The following IGF2BP2 variants were observed in gnomAD, a reference collection of about 807,000 sequenced individuals.
IGF2BP2 encodes the protein insulin-like growth factor 2 mRNA-binding protein 2.
IGF2BP2 carries 17 observed loss-of-function variants against 75.8 expected under a neutral mutation model. The observed-to-expected ratio is 0.22, with a 90% CI of 0.15 to 0.34. The LOEUF is 0.34. Among genes scored for constraint, IGF2BP2 ranks in the 10% least tolerant of loss-of-function variants. IGF2BP2 has a pLI of 1.00. For missense variants in IGF2BP2, 516 were observed against 772.4 expected (o/e 0.67, Z 3.93); for synonymous variants, 288 against 295.6 (o/e 0.97, Z 0.26).
chr3:185,804,091 T>C (rs1053853412), intron 2 of IGF2BP2, among the ~76,000 whole-genome samples: 3 of 152,062 alleles, frequency 2.0e-5, no homozygotes, highest in African/African-American at 7.2e-5. Flanking sequence ...ACCCCGTGTC[T>C]ACTAAAAATA....
Position 185,695,666 on chromosome 3 carries a change from A to ATTC in IGF2BP2, c.340+945_340+946insGAA, listed in dbSNP as rs1458142754. Among the ~76,000 whole-genome samples the ATTC allele has an allele frequency of 2.7e-3, 405 of 152,368 alleles. 4 individuals carry two copies. The highest frequency in any genetic ancestry group is 4.2e-3 in the East Asian group (22 of 5,192). ...CCACTGTTTTCCTTTTAAAAATCAT[A>ATTC]GTATTTCATGCTTTAGAAGATAAAA... On this transcript the variant is annotated intron_variant, in intron 4 of 15. Transcript: ENST00000382199.
chr3:185,778,297 G>C (rs1024230041), intron 2 of IGF2BP2, among the ~76,000 whole-genome samples: 2 of 152,082 alleles, frequency 1.3e-5, no homozygotes, highest in African/African-American at 4.8e-5. Context: ...GGACAACTTA[G>C]ACACGCCAAT....
chr3:185,647,257 TCTC>T lies in IGF2BP2; in HGVS notation c.1594-122_1594-120del, dbSNP rs2149031072. ...GGGAAGGAGGGGGGCTGGACTCTGC[TCTC>T]CTTTCCTTTTATCAAGGACACCCCG... On this transcript the variant is annotated intron_variant, in intron 14 of 15. Coordinates refer to ENST00000382199, the MANE Select transcript of IGF2BP2 (RefSeq NM_006548.6). The surrounding 1 kb of genome is among the most constrained non-coding windows in gnomAD (Gnocchi z 4.9). 4.0e-6 allele frequency: 3 copies of T among 742,310 alleles called. No homozygotes were observed. In the African/African-American group the frequency reaches 5.2e-5, roughly 13 times the overall value. 46.0% of individuals were successfully genotyped at this position (742,310 alleles called of 1,614,324 possible). A position where few individuals can be genotyped will look rare whatever the true frequency, so the allele number is the denominator to read the frequency against.
At chr3:185,656,049 C>T (rs1715384104) in intron 12 of IGF2BP2, among the ~76,000 whole-genome samples, 1 of 152,242 alleles carries the variant, frequency 6.6e-6, no homozygotes, top group African/African-American at 2.4e-5. Context: ...CTGAACAAGA[C>T]GGGGATTGGA....
chr3:185,717,902 G>C (rs1725884470), intron 2 of IGF2BP2: 1 of 152,164 alleles, frequency 6.6e-6, no homozygotes, highest in Non-Finnish European at 1.5e-5. Context: ...GGAAGGAAGT[G>C]AGAATGAACA....
At chr3:185,743,113 C>T (rs1376737657) in intron 2 of IGF2BP2, among the ~76,000 whole-genome samples, 1 of 151,720 alleles carries the variant, frequency 6.6e-6, no homozygotes, top group Non-Finnish European at 1.5e-5. Context: ...AATAAACAAA[C>T]AAACAAACTG....
intron 5 of IGF2BP2, 97 bp downstream of exon 5, chr3:185,692,602 T>A: frequency 9.0e-7 from 1 of 1,107,790 alleles, no homozygotes. Flanking sequence ...CTCAAAGATC[T>A]GCATCTTTTT....
At chr3:185,716,557 T>G (rs577439482) in intron 2 of IGF2BP2, 1 of 520,168 alleles carries the variant, frequency 1.9e-6, no homozygotes, top group South Asian at 1.4e-5. Context: ...CCAAGACTGC[T>G]GGGCTGGCCA....
chr3:185,664,050 G>A (rs935608058), intron 10 of IGF2BP2, among the ~76,000 whole-genome samples: 2 of 152,194 alleles, frequency 1.3e-5, no homozygotes, highest in Non-Finnish European at 2.9e-5. Context: ...TTGGCCGGAG[G>A]GTTCAGTGTT....
In IGF2BP2 at chr3:185,689,313, G is replaced by C. The variant is rs540533279; in HGVS notation, c.677+42C>G. 2.1e-5 allele frequency: 34 copies of C among 1,593,850 alleles called. No individual in the cohort carries two copies. In the South Asian group the frequency reaches 3.1e-4, roughly 15 times the overall value. On this transcript the variant is annotated intron_variant, in intron 6 of 15. Transcript: ENST00000382199. The stretch of plus-strand genomic sequence containing the variant: ...GGCTGAGACCCACCAGCACGCAGGG[G>C]ACCCCTCAGAAGGAAGCAAAGGAAG...
At chr3:185,669,696 C>CTT (rs1482930806) in intron 10 of IGF2BP2, among the ~76,000 whole-genome samples, 2 of 151,980 alleles carry the variant, frequency 1.3e-5, no homozygotes, top group African/African-American at 4.8e-5. Context: ...CCTTTGGATG[C>CTT]TAAAAGCAAA....
chr3:185,702,096 G>A (rs1201936026), intron 2 of IGF2BP2, among the ~76,000 whole-genome samples: 3 of 152,010 alleles, frequency 2.0e-5, no homozygotes, highest in South Asian at 2.1e-4. Context: ...CTCACTCTTC[G>A]CCATAATTAC....
At chr3:185,659,532 G>A (rs1414268423) in intron 10 of IGF2BP2, among the ~76,000 whole-genome samples, 3 of 151,508 alleles carry the variant, frequency 2.0e-5, no homozygotes, top group Admixed American at 6.6e-5. Flanking sequence ...CCCCCACCAC[G>A]CCTGGTTAAT....
chr3:185,773,286 T>C (rs1001118578), intron 2 of IGF2BP2, among the ~76,000 whole-genome samples: 1 of 152,234 alleles, frequency 6.6e-6, no homozygotes, highest in Non-Finnish European at 1.5e-5. Flanking sequence ...TTGTCTATAT[T>C]GTTAAGGAGG....
intron 2 of IGF2BP2, among the ~76,000 whole-genome samples, chr3:185,760,199 G>A (rs546846337): frequency 2.6e-5 from 4 of 152,224 alleles, no homozygotes; most frequent in South Asian, 4.2e-4. Flanking sequence ...AAGAAACTTA[G>A]GGACTGCACA....
intron 2 of IGF2BP2, among the ~76,000 whole-genome samples, chr3:185,794,929 A>T (rs1442615956): frequency 6.7e-6 from 1 of 150,272 alleles, no homozygotes; most frequent in Non-Finnish European, 1.5e-5. Context: ...GCGGAGTCTC[A>T]CTCTGTCGCC....
At chr3:185,719,802 C>A (rs1726223820) in intron 2 of IGF2BP2, among the ~76,000 whole-genome samples, 1 of 151,918 alleles carries the variant, frequency 6.6e-6, no homozygotes, top group Admixed American at 6.5e-5. Flanking sequence ...CCACTGCACT[C>A]CAGCCTGGGT....
At chr3:185,800,773 A>G (rs953790097) in intron 2 of IGF2BP2, among the ~76,000 whole-genome samples, 4 of 148,098 alleles carry the variant, frequency 2.7e-5, no homozygotes, top group African/African-American at 1.0e-4. Context: ...GTAAATGATA[A>G]AAGAAATCTG....
chr3:185,667,520 C>T (rs1232571550), intron 10 of IGF2BP2, among the ~76,000 whole-genome samples: 1 of 152,150 alleles, frequency 6.6e-6, no homozygotes, highest in African/African-American at 2.4e-5. Context: ...TTTTATTTTA[C>T]AGTCTTGGAT....
Sources: gnomAD v4.1 joint callset for allele counts (sites outside exome capture counted in the v4.1 genomes callset) on GRCh38, gnomAD v4.1.1 for gene constraint, Gnocchi (gnomAD v3.1) non-coding constraint, MANE v1.5 for transcripts, NCBI Gene and HGNC (gene_info 2026-07-23, HGNC 2026-07-21) for gene names.